Variants in GRM3 observed in about 807,000 individuals in gnomAD.
GRM3 encodes the protein metabotropic glutamate receptor 3.
In GRM3, 26 loss-of-function variants were observed where a neutral mutation model predicts 70.5. The observed-to-expected ratio is 0.37, with a 90% CI of 0.27 to 0.51. The LOEUF (loss-of-function observed/expected upper bound fraction) is 0.51. GRM3 is among the 20% of genes least tolerant of loss of function. GRM3 has a pLI of 0.93. For synonymous variants in GRM3, 443 were observed against 434.9 expected (o/e 1.02, Z -0.23); for missense variants, 859 against 1,123.8 (o/e 0.76, Z 3.37).
intron 1 of GRM3, among the ~76,000 whole-genome samples, chr7:86,677,861 G>C (rs566122498): frequency 6.6e-6 from 1 of 152,012 alleles, no homozygotes; most frequent in South Asian, 2.1e-4. Context: ...TAAATTATCG[G>C]AGCTGGTTAA....
At chr7:86,796,839 AATGGGTGGTAATTGAATC>A (rs1797561915) in intron 3 of GRM3, among the ~76,000 whole-genome samples, 2 of 152,130 alleles carry the variant, frequency 1.3e-5, no homozygotes, top group Admixed American at 1.3e-4. Flanking sequence ...GAAGGGACTC[AATGGGTGGTAATTGAATC>A]ATGGGGGCAG....
At chr7:86,833,050 C>G in intron 3 of GRM3, 1 of 978,728 alleles carries the variant, frequency 1.0e-6, no homozygotes, top group East Asian at 1.1e-4. Context: ...GTTGCAACAC[C>G]AGTGAAAGGT....
intron 1 of GRM3, among the ~76,000 whole-genome samples, chr7:86,757,627 C>T (rs969116198): frequency 6.6e-6 from 1 of 152,156 alleles, no homozygotes; most frequent in African/African-American, 2.4e-5. Context: ...CTCACTGCCC[C>T]ACAAATAGCA....
intron 2 of GRM3, among the ~76,000 whole-genome samples, chr7:86,766,302 T>C (rs772630119): frequency 2.6e-5 from 4 of 151,950 alleles, no homozygotes; most frequent in Admixed American, 1.3e-4. Context: ...ATTTTTTTGT[T>C]CAGAGATAAA....
At chr7:86,750,415 T>C (rs893461251) in intron 1 of GRM3, among the ~76,000 whole-genome samples, 3 of 152,074 alleles carry the variant, frequency 2.0e-5, no homozygotes, top group Non-Finnish European at 4.4e-5. Flanking sequence ...GATGTAGGCT[T>C]TACTAGTTCT....
In GRM3 at chr7:86,747,881, C is replaced by G. The variant is rs181342533; in HGVS notation, c.-140-17125C>G. 2.0e-3 allele frequency among the ~76,000 whole-genome samples: 310 copies of G among 152,168 alleles called. 2 individuals carry two copies. The highest frequency in any genetic ancestry group is 6.2e-3 in the African/African-American group (257 of 41,532). On this transcript the variant is annotated intron_variant, in intron 1 of 5. Coordinates refer to ENST00000361669, the MANE Select transcript of GRM3 (RefSeq NM_000840.3). ...AGCAGCTTCGGCTCACTTACAGAAC[C>G]CTTGCTCTGTTAATTGTGATTTCAC...
At chr7:86,658,184 C>A (rs1467147415) in intron 1 of GRM3, among the ~76,000 whole-genome samples, 2 of 152,246 alleles carry the variant, frequency 1.3e-5, no homozygotes, top group Non-Finnish European at 2.9e-5. Context: ...ATACCCACCT[C>A]TAAGTTCATC....
At chr7:86,773,450 G>A (rs889284487) in intron 2 of GRM3, among the ~76,000 whole-genome samples, 3 of 151,970 alleles carry the variant, frequency 2.0e-5, no homozygotes, top group African/African-American at 2.4e-5. Context: ...CAAGTTCCAA[G>A]TTCAAGTTTT....
In GRM3 at chr7:86,671,093, C is replaced by T. The variant is rs576555540; in HGVS notation, c.-141+26221C>T. 3.3e-5 allele frequency among the ~76,000 whole-genome samples: 5 copies of T among 152,280 alleles called. No homozygotes were observed. The East Asian group carries it at 7.7e-4, about 24-fold the overall frequency. Reference sequence around the variant, plus strand: ...TCTCCCAGGCTGGAGTGCAACGGCACGATCTCCGCTCACTGCAACCTCTGC... The same window carrying T: ...TCTCCCAGGCTGGAGTGCAACGGCATGATCTCCGCTCACTGCAACCTCTGC... On this transcript the variant is annotated intron_variant, in intron 1 of 5. Coordinates refer to ENST00000361669, the MANE Select transcript of GRM3 (RefSeq NM_000840.3).
intron 3 of GRM3, among the ~76,000 whole-genome samples, chr7:86,797,619 C>T (rs777047021): frequency 6.6e-6 from 1 of 152,168 alleles, no homozygotes; most frequent in Admixed American, 6.5e-5. Flanking sequence ...GGAAAATTTG[C>T]AGCCTGACAA....
At chr7:86,818,710 T>A (rs1006749749) in intron 3 of GRM3, among the ~76,000 whole-genome samples, 1 of 152,026 alleles carries the variant, frequency 6.6e-6, no homozygotes, top group Non-Finnish European at 1.5e-5. Context: ...AAGTAAAAAA[T>A]AAAAGTGCAT....
intron 2 of GRM3, among the ~76,000 whole-genome samples, chr7:86,780,896 C>G (rs956278898): frequency 6.6e-6 from 1 of 151,784 alleles, no homozygotes; most frequent in Admixed American, 6.6e-5. Context: ...GGCTTCAGAA[C>G]AAAAAAACAG....
At chr7:86,849,461 T>C (rs546034228) in intron 4 of GRM3, among the ~76,000 whole-genome samples, 74 of 152,294 alleles carry the variant, frequency 4.9e-4, no homozygotes, top group Non-Finnish European at 8.1e-4. Context: ...TGAAGCATTC[T>C]AAAATTATGT....
At chr7:86,859,972 A>G (rs555088216) in intron 5 of GRM3, among the ~76,000 whole-genome samples, 2 of 152,296 alleles carry the variant, frequency 1.3e-5, no homozygotes, top group South Asian at 2.1e-4. Flanking sequence ...TGTGATCAAT[A>G]GTGGAATTTA....
In GRM3 at chr7:86,644,854, C is replaced by G; in HGVS notation, c.-159C>G. 7.8e-7 allele frequency: 1 copy of G among 1,289,182 alleles called. No homozygotes were observed. Among genetic ancestry groups the G allele is most frequent in the Middle Eastern group, 2.2e-4 (1 of 4,618 alleles). 79.9% of individuals were successfully genotyped at this position (1,289,182 alleles called of 1,614,324 possible). A position where few individuals can be genotyped will look rare whatever the true frequency, so the allele number is the denominator to read the frequency against. On this transcript the variant is annotated 5_prime_UTR_variant, in exon 1 of 6. Transcript: ENST00000361669. ...CACCGCGGTCAGCTCCAGTTCCTGCCAGGAGTTGTCGGTGCGAGGTAAGGG... is the reference window on the plus strand; with the variant it reads ...CACCGCGGTCAGCTCCAGTTCCTGCGAGGAGTTGTCGGTGCGAGGTAAGGG...
intron 1 of GRM3, among the ~76,000 whole-genome samples, chr7:86,650,035 G>A (rs925561577): frequency 6.6e-6 from 1 of 152,176 alleles, no homozygotes; most frequent in Non-Finnish European, 1.5e-5. Flanking sequence ...TTTTAAATGT[G>A]TGTATATATT....
intron 5 of GRM3, among the ~76,000 whole-genome samples, chr7:86,854,015 G>A (rs1463525527): frequency 6.6e-6 from 1 of 152,254 alleles, no homozygotes; most frequent in Admixed American, 6.5e-5. Context: ...CAGGAAACTG[G>A]TATAGCATAA....
At chr7:86,849,661 A>G (rs1798722329) in intron 4 of GRM3, among the ~76,000 whole-genome samples, 1 of 152,160 alleles carries the variant, frequency 6.6e-6, no homozygotes, top group Non-Finnish European at 1.5e-5. Flanking sequence ...ATGAGAAGAC[A>G]TGATAAACCC....
intron 1 of GRM3, among the ~76,000 whole-genome samples, chr7:86,711,790 A>G (rs896380367): frequency 1.3e-5 from 2 of 152,068 alleles, no homozygotes; most frequent in African/African-American, 4.8e-5. Flanking sequence ...CATTACACAT[A>G]TAATTCCCCA....
Sources: allele counts gnomAD v4.1 joint callset (sites outside exome capture counted in the v4.1 genomes callset), GRCh38; gene constraint gnomAD v4.1.1; transcripts MANE v1.5; gene names NCBI Gene and HGNC (gene_info 2026-07-23, HGNC 2026-07-21).